The following MVD variants were observed in gnomAD, a reference collection of about 807,000 sequenced individuals.
MVD encodes the protein mevalonate diphosphate decarboxylase.
A neutral mutation model predicts 42.4 loss-of-function variants in MVD; 52 were observed. The observed-to-expected ratio is 1.23, with a 90% CI of 0.98 to 1.55. The LOEUF (loss-of-function observed/expected upper bound fraction) is 1.55, where lower values mean the gene tolerates loss of function less well. MVD is among the 40% of genes most tolerant of loss of function. The pLI is 0.00. For missense variants in MVD, 663 were observed against 572.1 expected, an observed-to-expected ratio of 1.16 and a Z score of -1.62; for synonymous variants, 287 against 243.2, an observed-to-expected ratio of 1.18 and a Z score of -1.68.
At chr16:88,654,516 G>T (rs1417246414) in intron 8 of MVD, among the ~76,000 whole-genome samples, 176 bp downstream of exon 8, 1 of 152,188 alleles carries the variant, frequency 6.6e-6, no homozygotes, top group African/African-American at 2.4e-5. Context: ...CTGTGGACGT[G>T]GGCTGTGGGA....
chr16:88,652,251 GCAC>G lies in MVD; in HGVS notation c.*271_*273del. On this transcript the variant is annotated 3_prime_UTR_variant, in exon 10 of 10. Coordinates refer to ENST00000301012, the MANE Select transcript of MVD (RefSeq NM_002461.3). ...GGTGAGAAAGCCCTTCAGCCCTGCT[GCAC>G]CGAGGCTCTGCCAGTTCTCATACCC... 1 of 572,954 alleles carries G rather than the reference GCAC, an allele frequency of 1.7e-6. No homozygotes were observed. Among genetic ancestry groups the G allele is most frequent in the Non-Finnish European group, 3.1e-6 (1 of 318,386 alleles). 35.5% of individuals were successfully genotyped at this position (572,954 alleles called of 1,614,324 possible). A position where few individuals can be genotyped will look rare whatever the true frequency, so the allele number is the denominator to read the frequency against.
Position 88,656,071 on chromosome 16 carries a change from CGGGCT to C in MVD, c.603+29_603+33del, listed in dbSNP as rs758065621. 4.5e-6 allele frequency: 7 copies of C among 1,554,068 alleles called. No homozygotes were observed. In the South Asian group the frequency reaches 8.3e-5, roughly 18 times the overall value. ...AGCCCTGACTAGGGACAGAGGCCACCGGGCTGCTGCTCCACCCGCCCCACCCCACT... is the reference window on the plus strand; with the variant it reads ...AGCCCTGACTAGGGACAGAGGCCACCGCTGCTCCACCCGCCCCACCCCACT... On this transcript the variant is annotated intron_variant, in intron 5 of 9. Transcript: ENST00000301012.
At chr16:88,653,185 C>A in intron 9 of MVD, 115 bp downstream of exon 9, 1 of 784,556 alleles carries the variant, frequency 1.3e-6, no homozygotes, top group Non-Finnish European at 2.1e-6. Context: ...GGCTTCCTGC[C>A]TGAGACACGG....
chr16:88,657,051 T>A, intron 4 of MVD: 1 of 379,152 alleles, frequency 2.6e-6, no homozygotes, highest in South Asian at 2.0e-5. Flanking sequence ...CTGAGCCAGT[T>A]TGAAGTGGTT....
chr16:88,656,954 G>A (rs937107634), intron 4 of MVD: 2 of 335,792 alleles, frequency 6.0e-6, no homozygotes, highest in Non-Finnish European at 1.2e-5. Flanking sequence ...GGGGCCAGCA[G>A]AGAGCTGGGT....
intron 5 of MVD, 145 bp from the exon 6 acceptor site, chr16:88,655,875 G>A (rs1246777373): frequency 3.8e-5 from 44 of 1,146,468 alleles, no homozygotes; most frequent in Middle Eastern, 4.6e-4. Context: ...GAGGCCTCCC[G>A]GCCACAGCAG....
At chr16:88,657,643 G>T in intron 3 of MVD, 61 bp from the exon 4 acceptor site, 1 of 1,583,214 alleles carries the variant, frequency 6.3e-7, no homozygotes, top group African/African-American at 1.3e-5. Flanking sequence ...CCCTGCTCCT[G>T]CCCACCTGCC....
chr16:88,656,922 G>C (rs921101929), intron 4 of MVD: 8 of 320,534 alleles, frequency 2.5e-5, no homozygotes, highest in Non-Finnish European at 4.9e-5. Context: ...ACAGTGGGTG[G>C]GAAGCTGCCA....
chr16:88,662,969 G>T, intron 1 of MVD, 42 bp downstream of exon 1: 1 of 1,574,018 alleles, frequency 6.4e-7, no homozygotes, highest in Non-Finnish European at 8.6e-7. Context: ...ACCCGGCCTC[G>T]CTCCCGGCCA....
chr16:88,656,060 AC>A (rs1907902000), intron 5 of MVD, 44 bp downstream of exon 5: 2 of 1,522,292 alleles, frequency 1.3e-6, no homozygotes, highest in African/African-American at 2.7e-5. Flanking sequence ...CTGACTAGGG[AC>A]AGAGGCCACC....
chr16:88,655,258 T>C lies in MVD; in HGVS notation c.838A>G (p.Ile280Val), dbSNP rs1289018849. ...TFPPISYLNAISWRIIHLVHR... is the reference protein window; with the variant it reads ...TFPPISYLNAVSWRIIHLVHR... ...ACCAGGTGGATGATGCGCCAGGAGATGGCATTGAGGTAAGAGATGGGCGGG... is the reference window on the plus strand; with the variant it reads ...ACCAGGTGGATGATGCGCCAGGAGACGGCATTGAGGTAAGAGATGGGCGGG... The change falls in exon 7 of 10, where the codon ATC (isoleucine) becomes GTC (valine). Residue 280 changes from isoleucine to valine, a missense_variant. Coordinates refer to ENST00000301012, the MANE Select transcript of MVD (RefSeq NM_002461.3). 4 of 1,589,182 alleles carry C rather than the reference T, an allele frequency of 2.5e-6. No individual in the cohort carries two copies. Among genetic ancestry groups the C allele is most frequent in the Non-Finnish European group, 3.4e-6 (4 of 1,167,922 alleles).
intron 9 of MVD, among the ~76,000 whole-genome samples, chr16:88,653,064 G>A (rs754798140): frequency 3.3e-5 from 5 of 152,126 alleles, no homozygotes; most frequent in African/African-American, 1.2e-4. Context: ...GTCTCCCTGG[G>A]AGCCTGTGTC....
At chr16:88,660,066 G>A (rs1908194105) in intron 1 of MVD, among the ~76,000 whole-genome samples, 1 of 151,966 alleles carries the variant, frequency 6.6e-6, no homozygotes, top group Non-Finnish European at 1.5e-5. Context: ...CCTCCCTGAA[G>A]GAGTGGGGAC....
At chr16:88,656,934 C>T (rs1907965630) in intron 4 of MVD, 2 of 319,406 alleles carry the variant, frequency 6.3e-6, no homozygotes, top group Admixed American at 4.4e-5. Flanking sequence ...AAGCTGCCAG[C>T]AAGTGGCCTG....
In MVD at chr16:88,655,113, G is replaced by A. The variant is rs572179593; in HGVS notation, c.897+86C>T. On this transcript the variant is annotated intron_variant, in intron 7 of 9. Transcript: ENST00000301012. ...TTCAGACACAGATTGCCCTGCACGC[G>A]AGCCCCGGGGCCGTCTCCACGGCAG... 330 of 1,448,354 alleles carry A rather than the reference G, an allele frequency of 2.3e-4. 1 individual carries two copies. In the African/African-American group the frequency reaches 3.7e-3, roughly 16 times the overall value. 89.7% of individuals were successfully genotyped at this position (1,448,354 alleles called of 1,614,324 possible). A position where few individuals can be genotyped will look rare whatever the true frequency, so the allele number is the denominator to read the frequency against.
rs1024349927 is a variant in MVD, at chr16:88,652,446, G to A, written c.*79C>T. 55 of 1,477,828 alleles carry A rather than the reference G, an allele frequency of 3.7e-5. No individual in the cohort carries two copies. The highest frequency in any genetic ancestry group is 4.0e-5 in the Non-Finnish European group (43 of 1,083,182). The allele number at this position is 1,477,828 out of a possible 1,614,324, so 91.5% of individuals were successfully genotyped here. A position where few individuals can be genotyped will look rare whatever the true frequency, so the allele number is the denominator to read the frequency against. ...CACCACCCACATGTCCCAGGAGTCC[G>A]GCCAGCCCACCACATCCGCTCCCTA... On this transcript the variant is annotated 3_prime_UTR_variant, in exon 10 of 10. Transcript: ENST00000301012.
At position 88,656,101 on chromosome 16, in the gene MVD, TCAC is replaced by T; in HGVS notation, c.603+1_603+3del. On this transcript the variant is annotated splice_donor_variant and splice_donor_region_variant and intron_variant, in intron 5 of 9. Coordinates refer to ENST00000301012, the MANE Select transcript of MVD (RefSeq NM_002461.3). ...TGCTGCTCCACCCGCCCCACCCCAC[TCAC>T]CACAAGGATGAGCACGCGGAGTTCA... 16 of 1,466,416 alleles carry T rather than the reference TCAC, an allele frequency of 1.1e-5. No homozygotes were observed. Among genetic ancestry groups the T allele is most frequent in the Non-Finnish European group, 1.5e-5 (16 of 1,090,964 alleles). 90.8% of individuals were successfully genotyped at this position (1,466,416 alleles called of 1,614,324 possible).
In MVD at chr16:88,655,354, C is replaced by A. The variant is rs375497943; in HGVS notation, c.742G>T (p.Asp248Tyr). 1.2e-6 allele frequency: 2 copies of A among 1,602,238 alleles called. No individual in the cohort carries two copies. Among genetic ancestry groups the A allele is most frequent in the Admixed American group, 3.4e-5 (2 of 58,632 alleles). ...AEMARCIRERDFPSFAQLTMK... is the reference protein window; with the variant it reads ...AEMARCIRERYFPSFAQLTMK... Reference sequence around the variant, plus strand: ...GTCAGCTGGGCGAAGCTGGGGAAGTCTCGCTCCCGGATGCAGCGGGCCATC... The same window carrying A: ...GTCAGCTGGGCGAAGCTGGGGAAGTATCGCTCCCGGATGCAGCGGGCCATC... Residue 248 changes from aspartate (D) to tyrosine (Y), a missense_variant, in exon 7 of 10, where the codon GAC becomes TAC. Asp to Tyr is a radical substitution (Grantham distance 160, BLOSUM62 -3). Coordinates refer to ENST00000301012, the MANE Select transcript of MVD (RefSeq NM_002461.3).
Position 88,655,280 on chromosome 16 carries a change from C to T in MVD, c.816G>A (p.Pro272=), listed in dbSNP as rs372530520. 54 of 1,591,532 alleles carry T rather than the reference C, an allele frequency of 3.4e-5. No homozygotes were observed. Among genetic ancestry groups the T allele is most frequent in the Middle Eastern group, 1.6e-4 (1 of 6,070 alleles). The change falls in exon 7 of 10, where the codon CCG becomes CCA. Residue 272 remains proline, a synonymous_variant. Transcript: ENST00000301012. ...AGATGGCATTGAGGTAAGAGATGGG[C>T]GGGAAGGTGTCGAGGCAGGTGGCGT... The part of the protein sequence containing the change: ...QFHATCLDTF[P]PISYLNAISW...
Sources: allele counts gnomAD v4.1 joint callset (sites outside exome capture counted in the v4.1 genomes callset), GRCh38; gene constraint gnomAD v4.1.1; transcripts MANE v1.5; gene names NCBI Gene and HGNC (gene_info 2026-07-23, HGNC 2026-07-21).